Variants in EFNB2 observed in about 807,000 individuals in gnomAD.
EFNB2 encodes the protein ephrin B2, also known as ephrin-B2.
A neutral mutation model predicts 32.1 loss-of-function variants in EFNB2; 5 were observed. That is an observed-to-expected ratio of 0.16 (90% CI 0.08 to 0.33). The LOEUF is 0.33. Ranked by LOEUF, EFNB2 falls within the 10% of genes least tolerant of loss-of-function variation. The pLI, the probability that EFNB2 is intolerant of heterozygous loss-of-function variation, is 1.00. For synonymous variants in EFNB2, 168 were observed against 166.5 expected (o/e 1.01, Z -0.07); for missense variants, 263 against 422.6 (o/e 0.62, Z 3.31).
At chr13:106,515,137 G>A (rs747003093) in intron 1 of EFNB2, among the ~76,000 whole-genome samples, 1 of 152,096 alleles carries the variant, frequency 6.6e-6, no homozygotes, top group Non-Finnish European at 1.5e-5. Flanking sequence ...CCGTCTCAGC[G>A]ACAGGTCTTG....
intron 2 of EFNB2, among the ~76,000 whole-genome samples, chr13:106,504,490 T>C (rs1255296099): frequency 6.6e-6 from 1 of 152,150 alleles, no homozygotes; most frequent in Non-Finnish European, 1.5e-5. Flanking sequence ...GTAACCCCAA[T>C]AAGGTGCCCC....
intron 1 of EFNB2, chr13:106,521,084 C>A (rs1031080335): frequency 6.6e-5 from 10 of 152,058 alleles, no homozygotes; most frequent in Non-Finnish European, 1.5e-4. Context: ...TTCACAGGTG[C>A]CCCTTCTTTC....
intron 1 of EFNB2, among the ~76,000 whole-genome samples, chr13:106,523,951 C>T (rs1356008755): frequency 6.6e-6 from 1 of 152,186 alleles, no homozygotes; most frequent in Non-Finnish European, 1.5e-5. Context: ...AAAATCTGAC[C>T]TCCTTTTCTC....
intron 3 of EFNB2, among the ~76,000 whole-genome samples, chr13:106,495,495 CTAT>C (rs780926204): frequency 7.5e-6 from 1 of 132,776 alleles, no homozygotes; most frequent in African/African-American, 3.2e-5. Context: ...ATCTATCTAT[CTAT>C]TATCTATCTA....
In EFNB2 at chr13:106,489,898, C is replaced by T. The variant is rs1030860752; in HGVS notation, c.*3142G>A. On this transcript the variant is annotated 3_prime_UTR_variant, in exon 5 of 5. Transcript: ENST00000646441. ...CCTATGACAGGCTATTAAAATAAAA[C>T]AAAGAAAGAAAAAAATATTTATAAC... is the stretch of plus-strand genomic sequence containing the variant. 1.3e-5 allele frequency: 2 copies of T among 152,234 alleles called. No homozygotes were observed. Among genetic ancestry groups the T allele is most frequent in the East Asian group, 1.9e-4 (1 of 5,190 alleles). 9.4% of individuals were successfully genotyped at this position (152,234 alleles called of 1,614,324 possible).
chr13:106,501,410 TG>T (rs1878772457), intron 2 of EFNB2, among the ~76,000 whole-genome samples: 1 of 152,156 alleles, frequency 6.6e-6, no homozygotes, highest in African/African-American at 2.4e-5. Flanking sequence ...AATATAATCA[TG>T]ACTTTCCGAG....
At position 106,491,561 on chromosome 13, in the gene EFNB2, C is replaced by T. The variant is rs1285646782; in HGVS notation, c.*1479G>A. ...GTCCTATCTTCCTTCTCCCCCTGGA[C>T]ATCATAATTTACTTCCGTCTTAAGG... On this transcript the variant is annotated 3_prime_UTR_variant, in exon 5 of 5. Coordinates refer to ENST00000646441, the MANE Select transcript of EFNB2 (RefSeq NM_004093.4). The T allele has an allele frequency of 6.6e-6, 1 of 152,560 alleles. No homozygotes were observed. Among genetic ancestry groups the T allele is most frequent in the African/African-American group, 2.4e-5 (1 of 41,416 alleles). The allele number at this position is 152,560 out of a possible 1,614,324, so 9.5% of individuals were successfully genotyped here.
chr13:106,508,488 C>A (rs1879032495), intron 2 of EFNB2, among the ~76,000 whole-genome samples: 1 of 152,130 alleles, frequency 6.6e-6, no homozygotes, highest in Non-Finnish European at 1.5e-5. Flanking sequence ...CTTTGCATTA[C>A]TTGAAGATTA....
At chr13:106,498,068 T>C (rs1331537796) in intron 2 of EFNB2, among the ~76,000 whole-genome samples, 2 of 152,096 alleles carry the variant, frequency 1.3e-5, no homozygotes, top group African/African-American at 4.8e-5. Flanking sequence ...AAAAGTGCAC[T>C]CAAACTCAAA....
At chr13:106,509,388 C>T (rs530049511) in intron 2 of EFNB2, among the ~76,000 whole-genome samples, 3 of 152,222 alleles carry the variant, frequency 2.0e-5, no homozygotes, top group African/African-American at 7.2e-5. Context: ...GTTCTGAAGG[C>T]GCTTACCAAC....
intron 1 of EFNB2, among the ~76,000 whole-genome samples, chr13:106,530,477 C>T (rs1157451052): frequency 6.6e-6 from 1 of 152,210 alleles, no homozygotes; most frequent in African/African-American, 2.4e-5. Flanking sequence ...TTTATGTCAG[C>T]AGCAAAGGCA....
Position 106,493,755 on chromosome 13 carries a change from G to T in EFNB2, c.614-327C>A, listed in dbSNP as rs1184379441. 1.3e-5 allele frequency among the ~76,000 whole-genome samples: 2 copies of T among 152,184 alleles called. No individual in the cohort carries two copies. The highest frequency in any genetic ancestry group is 2.9e-5 in the Non-Finnish European group (2 of 68,038). On this transcript the variant is annotated intron_variant, in intron 4 of 4. Coordinates refer to ENST00000646441, the MANE Select transcript of EFNB2 (RefSeq NM_004093.4). The surrounding 1 kb of genome is among the most constrained non-coding windows in gnomAD (Gnocchi z 6.1). ...GCCAGCCTGGGGCAGCGGCAGGGAA[G>T]AAAAAGGGAAGTGGCCAATTCTCCA...
At position 106,517,323 on chromosome 13, in the gene EFNB2, G is replaced by A. The variant is rs906288765; in HGVS notation, c.123-4511C>T. On this transcript the variant is annotated intron_variant, in intron 1 of 4. Transcript: ENST00000646441. The stretch of plus-strand genomic sequence containing the variant: ...CACAGTTACAACCCATACCACATGG[G>A]GGGAGGCTGTTCTTGTTAAACTTCG... The A allele has an allele frequency of 3.3e-5, 5 of 152,132 alleles. 1 individual carries two copies. Among genetic ancestry groups the A allele is most frequent in the Admixed American group, 3.3e-4 (5 of 15,272 alleles). The allele number at this position is 152,132 out of a possible 1,614,324, so 9.4% of individuals were successfully genotyped here.
At chr13:106,496,443 G>C (rs1878594247) in intron 2 of EFNB2, among the ~76,000 whole-genome samples, 1 of 152,292 alleles carries the variant, frequency 6.6e-6, no homozygotes, top group South Asian at 2.1e-4. Flanking sequence ...TTGTAAATCA[G>C]AAGAACATAC....
chr13:106,500,889 C>T (rs1316353825), intron 2 of EFNB2, among the ~76,000 whole-genome samples: 6 of 152,148 alleles, frequency 3.9e-5, no homozygotes, highest in East Asian at 3.9e-4. Flanking sequence ...AAAGCAAAGC[C>T]GTGACTTTAA....
At chr13:106,509,627 CTGTGTGTG>C (rs34068695) in intron 2 of EFNB2, among the ~76,000 whole-genome samples, 51,908 of 142,452 alleles carry the variant, frequency 0.36, 9,321 homozygotes, top group African/African-American at 0.47. Context: ...CAGAGCTTGA[CTGTGTGTG>C]TGTGTGTGTG....
intron 1 of EFNB2, among the ~76,000 whole-genome samples, chr13:106,528,505 G>C (rs181151510): frequency 1.3e-5 from 2 of 151,636 alleles, no homozygotes; most frequent in Non-Finnish European, 2.9e-5. Flanking sequence ...CAAAAAAACA[G>C]CACTGAATTC....
At chr13:106,511,022 A>C (rs1457784757) in intron 2 of EFNB2, among the ~76,000 whole-genome samples, 1 of 152,152 alleles carries the variant, frequency 6.6e-6, no homozygotes, top group Non-Finnish European at 1.5e-5. Context: ...ATAAAATAAA[A>C]AAATAAAGTC....
At chr13:106,523,887 C>G (rs1441400483) in intron 1 of EFNB2, among the ~76,000 whole-genome samples, 1 of 152,212 alleles carries the variant, frequency 6.6e-6, no homozygotes, top group African/African-American at 2.4e-5. Flanking sequence ...AGATGTCATA[C>G]TATCTCCTTA....
Sources: gnomAD v4.1 joint callset for allele counts (sites outside exome capture counted in the v4.1 genomes callset) on GRCh38, gnomAD v4.1.1 for gene constraint, Gnocchi (gnomAD v3.1) non-coding constraint, MANE v1.5 for transcripts, NCBI Gene and HGNC (gene_info 2026-07-23, HGNC 2026-07-21) for gene names.